Variants in MBP observed in about 807,000 individuals in gnomAD.
MBP encodes the protein myelin basic protein, also known as Golli-MBP.
In MBP, 16 loss-of-function variants were observed where a neutral mutation model predicts 35.8. The ratio of observed to expected loss-of-function variants is 0.45; its 90% confidence interval spans 0.30 to 0.68. MBP has a LOEUF of 0.68. Ranked by LOEUF, MBP falls within the 30% of genes least tolerant of loss-of-function variation. The pLI, the probability that MBP is intolerant of heterozygous loss-of-function variation, is 0.08. For synonymous variants in MBP, 143 were observed against 159.6 expected, an observed-to-expected ratio of 0.90 and a Z score of 0.78; for missense variants, 380 against 404.7, an observed-to-expected ratio of 0.94 and a Z score of 0.52.
At chr18:77,060,182 C>T (rs1430443949) in intron 3 of MBP, among the ~76,000 whole-genome samples, 2 of 152,118 alleles carry the variant, frequency 1.3e-5, no homozygotes, top group African/African-American at 4.8e-5. Context: ...AACCTCCTGC[C>T]CTCTCTCTTC....
chr18:77,043,190 T>A (rs1435071861), intron 3 of MBP, among the ~76,000 whole-genome samples: 1 of 152,232 alleles, frequency 6.6e-6, no homozygotes, highest in East Asian at 1.9e-4. Context: ...TAGAGACTTC[T>A]AAAGGTTCGT....
chr18:77,019,032 TCATCC>T (rs1971865914), intron 3 of MBP, among the ~76,000 whole-genome samples: 1 of 138,666 alleles, frequency 7.2e-6, no homozygotes, highest in East Asian at 2.2e-4. Context: ...ACCTACCTGT[TCATCC>T]ATCCATCCAT....
At chr18:77,064,072 T>C (rs1191477237) in intron 3 of MBP, among the ~76,000 whole-genome samples, 1 of 152,262 alleles carries the variant, frequency 6.6e-6, no homozygotes, top group Non-Finnish European at 1.5e-5. Context: ...TTTATTTATG[T>C]GTAAAACCTA....
rs558905828 is a variant in MBP at position 77,091,242 on chromosome 18, CA to C, written c.51+13968del. 3.1e-3 allele frequency among the ~76,000 whole-genome samples: 477 copies of C among 152,240 alleles called. 3 individuals carry two copies. Among genetic ancestry groups the C allele is most frequent in the Middle Eastern group, 0.017 (5 of 294 alleles). On this transcript the variant is annotated intron_variant, in intron 2 of 8. Transcript: ENST00000355994. ...TCACTGTGGATAATTAGTATAATTA[CA>C]AAATTGCCTGACTTACAGTTTGTAT...
chr18:77,103,979 G>A (rs536666042), intron 2 of MBP, among the ~76,000 whole-genome samples: 4 of 152,374 alleles, frequency 2.6e-5, no homozygotes, highest in Non-Finnish European at 5.9e-5. Context: ...GGAAGGATTC[G>A]AATGACTTTT....
chr18:77,011,661 G>A (rs1328559859), intron 4 of MBP, among the ~76,000 whole-genome samples: 1 of 152,226 alleles, frequency 6.6e-6, no homozygotes, highest in Admixed American at 6.5e-5. Context: ...GGCAAGAATA[G>A]CCTCTTAGGA....
chr18:77,009,149 C>T (rs1971175452), intron 4 of MBP, among the ~76,000 whole-genome samples: 3 of 152,246 alleles, frequency 2.0e-5, no homozygotes, highest in Admixed American at 6.5e-5. Flanking sequence ...AGTGTGCAAA[C>T]GGCAGCCCTG....
At chr18:77,003,000 A>G (rs1970719794) in intron 4 of MBP, 1 of 152,240 alleles carries the variant, frequency 6.6e-6, no homozygotes, top group African/African-American at 2.4e-5. Flanking sequence ...GTTAGTGTCT[A>G]GGGAATGAGG....
At chr18:76,986,956 C>G in intron 7 of MBP, 1 of 985,434 alleles carries the variant, frequency 1.0e-6, no homozygotes, top group Non-Finnish European at 1.2e-6. Context: ...CTCTCTGGAA[C>G]TCCAGACAAG....
intron 2 of MBP, among the ~76,000 whole-genome samples, chr18:77,086,533 C>T (rs1975243093): frequency 1.3e-5 from 2 of 152,168 alleles, no homozygotes; most frequent in African/African-American, 2.4e-5. Flanking sequence ...TGAAAAACCT[C>T]TCTATGGAGC....
chr18:77,034,092 C>T (rs1183583769), intron 3 of MBP, among the ~76,000 whole-genome samples: 1 of 134,622 alleles, frequency 7.4e-6, no homozygotes, highest in African/African-American at 2.6e-5. Flanking sequence ...CTGGGGCCCT[C>T]AGACCTAATC....
At position 77,131,941 on chromosome 18, in the gene MBP, C is replaced by T. The variant is rs71361000; in HGVS notation, c.-26+639G>A. 0.35 allele frequency among the ~76,000 whole-genome samples: 53,209 copies of T among 151,994 alleles called. 9,864 individuals carry two copies. The highest frequency in any genetic ancestry group is 0.41 in the Non-Finnish European group (28,000 of 67,890). On this transcript the variant is annotated intron_variant, in intron 1 of 8. Transcript: ENST00000355994. This position sits in a 1 kb window ranked among gnomAD's most constrained non-coding sequence, Gnocchi z 5.5. ...GGCCCTGCGAAGGCGGAAGCCCGGA[C>T]CCGGGCTCTCCTGGCCGCCCCTGGA...
chr18:77,107,765 A>G (rs1450633250), intron 1 of MBP, among the ~76,000 whole-genome samples: 6 of 152,258 alleles, frequency 3.9e-5, no homozygotes, highest in African/African-American at 1.4e-4. Context: ...TACTGGACAC[A>G]GAATTGGTGA....
At chr18:77,082,449 A>G (rs530393234) in intron 2 of MBP, among the ~76,000 whole-genome samples, 1 of 152,334 alleles carries the variant, frequency 6.6e-6, no homozygotes, top group Admixed American at 6.5e-5. Flanking sequence ...GTTGGGGAAT[A>G]GGATGAGGTC....
At chr18:77,117,454 T>C (rs1007313064) in intron 1 of MBP, among the ~76,000 whole-genome samples, 26 of 152,168 alleles carry the variant, frequency 1.7e-4, no homozygotes, top group African/African-American at 6.3e-4. Context: ...GTAGAGGCCT[T>C]ATAATTTTAT....
In MBP at chr18:77,057,419, T is replaced by A. The variant is rs556059029; in HGVS notation, c.139+8879A>T. 2.3e-4 allele frequency among the ~76,000 whole-genome samples: 35 copies of A among 152,318 alleles called. No homozygotes were observed. In the South Asian group the frequency reaches 7.2e-3, roughly 32 times the overall value. On this transcript the variant is annotated intron_variant, in intron 3 of 8. Coordinates refer to ENST00000355994, the MANE Select transcript of MBP (RefSeq NM_001025101.2). ...AGCCCAAAGATGCTATTTCACAAAA[T>A]GGGTTTTGTGGCTTGTCTAGACAGG...
chr18:77,094,428 C>T (rs1405033800), intron 2 of MBP, among the ~76,000 whole-genome samples: 1 of 152,226 alleles, frequency 6.6e-6, no homozygotes, highest in African/African-American at 2.4e-5. Context: ...TTCCGTTGCT[C>T]ATAAGTGCCG....
At chr18:77,034,425 T>G (rs917807051) in intron 3 of MBP, among the ~76,000 whole-genome samples, 1 of 152,068 alleles carries the variant, frequency 6.6e-6, no homozygotes, top group Non-Finnish European at 1.5e-5. Context: ...GAGTGCAGAC[T>G]CCAGTTGAGC....
At chr18:76,985,576 G>A in intron 7 of MBP, 1 of 1,097,206 alleles carries the variant, frequency 9.1e-7, no homozygotes, top group East Asian at 7.5e-5. Context: ...GCAACAGGAG[G>A]CCGGGGCTGC....
Sources: gnomAD v4.1 joint callset for allele counts (sites outside exome capture counted in the v4.1 genomes callset) on GRCh38, gnomAD v4.1.1 for gene constraint, Gnocchi (gnomAD v3.1) non-coding constraint, MANE v1.5 for transcripts, NCBI Gene and HGNC (gene_info 2026-07-23, HGNC 2026-07-21) for gene names.